Variants in RBM20 observed in about 807,000 individuals in gnomAD.
RBM20 encodes the protein RNA-binding protein 20.
A neutral mutation model predicts 110.1 loss-of-function variants in RBM20; 51 were observed. The observed-to-expected ratio is 0.46, with a 90% confidence interval of 0.37 to 0.59. The LOEUF (loss-of-function observed/expected upper bound fraction) is 0.59. Among genes scored for constraint, RBM20 ranks in the 20% least tolerant of loss-of-function variants. The pLI is 0.00. For synonymous variants in RBM20, 589 were observed against 618.2 expected, an observed-to-expected ratio of 0.95 and a Z score of 0.70; for missense variants, 1,512 against 1,574.9, an observed-to-expected ratio of 0.96 and a Z score of 0.68.
chr10:110,824,102 C>T (rs1307048292), intron 12 of RBM20, among the ~76,000 whole-genome samples: 1 of 152,144 alleles, frequency 6.6e-6, no homozygotes, highest in Non-Finnish European at 1.5e-5. Context: ...CTTGCAATTT[C>T]AGTCTCCCGT....
chr10:110,753,283 C>T (rs1052749693), intron 1 of RBM20, among the ~76,000 whole-genome samples: 2 of 152,024 alleles, frequency 1.3e-5, no homozygotes, highest in Non-Finnish European at 2.9e-5. Context: ...GCTTTCATTT[C>T]CCATAGAGTA....
At chr10:110,718,089 G>C (rs1332106175) in intron 1 of RBM20, among the ~76,000 whole-genome samples, 1 of 152,178 alleles carries the variant, frequency 6.6e-6, no homozygotes, top group African/African-American at 2.4e-5. Context: ...CAGAGGCTTG[G>C]CCACATGGCT....
intron 1 of RBM20, among the ~76,000 whole-genome samples, chr10:110,775,560 C>G (rs1430248208): frequency 1.3e-5 from 2 of 152,200 alleles, no homozygotes; most frequent in African/African-American, 2.4e-5. Flanking sequence ...TCTCTTGGAT[C>G]CCTCAAATCC....
chr10:110,820,859 T>C lies in RBM20; in HGVS notation c.2656-416T>C, dbSNP rs1844899795. On this transcript the variant is annotated intron_variant, in intron 10 of 13. Coordinates refer to ENST00000369519, the MANE Select transcript of RBM20 (RefSeq NM_001134363.3). ...GAAGCTTTGGCTGTGGGAGTGTATG[T>C]ACCCCTGCTGGGAGAGGGTGCTTGG... 2.0e-5 allele frequency among the ~76,000 whole-genome samples: 3 copies of C among 152,280 alleles called. No individual in the cohort carries two copies. In the South Asian group the frequency reaches 6.2e-4, roughly 32 times the overall value.
At chr10:110,677,396 G>A (rs935553254) in intron 1 of RBM20, among the ~76,000 whole-genome samples, 14 of 151,726 alleles carry the variant, frequency 9.2e-5, no homozygotes, top group African/African-American at 3.2e-4. Context: ...TCTGCTCACT[G>A]CAAGCTCTGC....
At chr10:110,673,455 C>T (rs1431352446) in intron 1 of RBM20, among the ~76,000 whole-genome samples, 1 of 152,178 alleles carries the variant, frequency 6.6e-6, no homozygotes. Context: ...CGTGATCCAC[C>T]CAGCTCGGCC....
At chr10:110,659,729 T>C (rs1862074008) in intron 1 of RBM20, among the ~76,000 whole-genome samples, 1 of 152,118 alleles carries the variant, frequency 6.6e-6, no homozygotes, top group African/African-American at 2.4e-5. Flanking sequence ...TCTTTTCTTT[T>C]CTTTCCTTTC....
chr10:110,702,985 T>A (rs1388054916), intron 1 of RBM20, among the ~76,000 whole-genome samples: 1 of 134,654 alleles, frequency 7.4e-6, no homozygotes, highest in Non-Finnish European at 1.6e-5. Flanking sequence ...GTGGGTTTTT[T>A]TTCTTGTTTT....
chr10:110,818,773 T>G (rs1402355285), intron 9 of RBM20, among the ~76,000 whole-genome samples: 1 of 152,136 alleles, frequency 6.6e-6, no homozygotes, highest in Admixed American at 6.5e-5. Context: ...AGGGTAAGGA[T>G]TATTCATTTT....
chr10:110,671,956 G>A (rs1281253632), intron 1 of RBM20, among the ~76,000 whole-genome samples: 1 of 152,058 alleles, frequency 6.6e-6, no homozygotes, highest in Non-Finnish European at 1.5e-5. Context: ...ATATCACCTG[G>A]GACCCGAGGT....
chr10:110,676,859 AAATATATGTAGC>A (rs1862347407), intron 1 of RBM20, among the ~76,000 whole-genome samples: 1 of 152,214 alleles, frequency 6.6e-6, no homozygotes, highest in Non-Finnish European at 1.5e-5. Context: ...AAGAGGTTTA[AAATATATGTAGC>A]TTGAAAATAT....
intron 9 of RBM20, among the ~76,000 whole-genome samples, chr10:110,819,065 T>C (rs932326214): frequency 6.6e-6 from 1 of 152,176 alleles, no homozygotes; most frequent in Non-Finnish European, 1.5e-5. Context: ...GTGTGTCTGA[T>C]TGTAAGAAAT....
chr10:110,831,395 A>C, intron 13 of RBM20: 6 of 494,026 alleles, frequency 1.2e-5, no homozygotes, highest in East Asian at 3.3e-5. Context: ...AAAACCCCTA[A>C]TCTTCCCATA....
intron 1 of RBM20, among the ~76,000 whole-genome samples, chr10:110,677,784 C>T (rs192850278): frequency 2.0e-4 from 31 of 152,310 alleles, no homozygotes; most frequent in Admixed American, 1.3e-3. Context: ...GCATGTATCT[C>T]ATGTTACTTG....
chr10:110,749,958 A>C (rs1218906166), intron 1 of RBM20, among the ~76,000 whole-genome samples: 1 of 152,236 alleles, frequency 6.6e-6, no homozygotes, highest in Non-Finnish European at 1.5e-5. Context: ...AAAGGATCCA[A>C]AAAACACAAC....
chr10:110,809,918 A>G (rs1844743231), intron 7 of RBM20, among the ~76,000 whole-genome samples: 1 of 152,222 alleles, frequency 6.6e-6, no homozygotes, highest in African/African-American at 2.4e-5. Flanking sequence ...TGCAGAGCAG[A>G]GACCCTGCCT....
At chr10:110,660,298 C>T (rs1202220455) in intron 1 of RBM20, among the ~76,000 whole-genome samples, 1 of 152,180 alleles carries the variant, frequency 6.6e-6, no homozygotes, top group Non-Finnish European at 1.5e-5. Context: ...CACGATTCCT[C>T]AGGGAGACTT....
At chr10:110,691,621 G>T (rs1439414207) in intron 1 of RBM20, among the ~76,000 whole-genome samples, 2 of 152,036 alleles carry the variant, frequency 1.3e-5, no homozygotes, top group Non-Finnish European at 2.9e-5. Flanking sequence ...TTTTTGAATT[G>T]AATTTTTTGT....
At chr10:110,803,316 G>A (rs572172135) in intron 7 of RBM20, among the ~76,000 whole-genome samples, 2 of 152,276 alleles carry the variant, frequency 1.3e-5, no homozygotes, top group Admixed American at 1.3e-4. Flanking sequence ...TTGTTATAGT[G>A]TGTTATCATG....
Sources: gnomAD v4.1 joint callset for allele counts (sites outside exome capture counted in the v4.1 genomes callset) on GRCh38, gnomAD v4.1.1 for gene constraint, MANE v1.5 for transcripts, NCBI Gene and HGNC (gene_info 2026-07-23, HGNC 2026-07-21) for gene names.